LAPTM4B: variants seen among roughly 807,000 people sequenced by gnomAD.
LAPTM4B encodes lysosomal-associated transmembrane protein 4B.
In LAPTM4B, 26 loss-of-function variants were observed where a neutral mutation model predicts 28.5. That is an observed-to-expected ratio of 0.91 (90% confidence interval 0.67 to 1.27). LAPTM4B has a LOEUF of 1.27. Among genes scored for constraint, LAPTM4B ranks in the 50% most tolerant of loss-of-function variants. The pLI, the probability that LAPTM4B is intolerant of heterozygous loss-of-function variation, is 0.00. For missense variants in LAPTM4B, 288 were observed against 285.8 expected, an observed-to-expected ratio of 1.01 and a Z score of -0.06; for synonymous variants, 109 against 106.4, an observed-to-expected ratio of 1.02 and a Z score of -0.15.
At position 97,787,287 on chromosome 8, in the gene LAPTM4B, C is replaced by CTTTT. The variant is rs777122592; in HGVS notation, c.99+11192_99+11195dup. Among the ~76,000 whole-genome samples the CTTTT allele has an allele frequency of 6.9e-5, 9 of 129,564 alleles. 2 individuals carry two copies. The highest frequency in any genetic ancestry group is 2.8e-4 in the South Asian group (1 of 3,524). 85.0% of individuals were successfully genotyped at this position (129,564 alleles called of 152,430 possible). Reference sequence around the variant, plus strand: ...GAGGGAGGCTAGGAGATGTTTCTTTCTTTTTTTTTTTTTTTTGAGACTGAG... The same window carrying CTTTT: ...GAGGGAGGCTAGGAGATGTTTCTTTCTTTTTTTTTTTTTTTTTTTTGAGACTGAG... On this transcript the variant is annotated intron_variant, in intron 1 of 6. Coordinates refer to ENST00000521545, the MANE Select transcript of LAPTM4B (RefSeq NM_018407.6).
At chr8:97,794,831 A>G (rs1816557047) in intron 1 of LAPTM4B, among the ~76,000 whole-genome samples, 1 of 152,136 alleles carries the variant, frequency 6.6e-6, no homozygotes, top group Non-Finnish European at 1.5e-5. Flanking sequence ...CTCCTGCCTC[A>G]GCCTCCTGAG....
intron 4 of LAPTM4B, among the ~76,000 whole-genome samples, chr8:97,817,921 C>T (rs988943495): frequency 2.0e-5 from 3 of 151,860 alleles, no homozygotes; most frequent in Non-Finnish European, 4.4e-5. Context: ...TCAAGTGATC[C>T]TTCCACCTTA....
chr8:97,811,230 C>A (rs184442772), intron 2 of LAPTM4B, among the ~76,000 whole-genome samples: 6 of 152,274 alleles, frequency 3.9e-5, no homozygotes, highest in East Asian at 3.9e-4. Context: ...GCCCTGCATT[C>A]CACTCCTTGA....
chr8:97,816,227 G>T, intron 4 of LAPTM4B, 47 bp downstream of exon 4: 1 of 1,570,014 alleles, frequency 6.4e-7, no homozygotes, highest in South Asian at 1.2e-5. Flanking sequence ...TTTTCATTAG[G>T]GAAGCTGGTT....
Position 97,848,744 on chromosome 8 carries a change from G to A in LAPTM4B, c.604-2653G>A, listed in dbSNP as rs141608445. Reference sequence around the variant, plus strand: ...AATCAGTTAATTGTTTAATGCAGTGGTGGGGCATTGTGGTGAAGCTCAGTC... The same window carrying A: ...AATCAGTTAATTGTTTAATGCAGTGATGGGGCATTGTGGTGAAGCTCAGTC... On this transcript the variant is annotated intron_variant, in intron 6 of 6. Coordinates refer to ENST00000521545, the MANE Select transcript of LAPTM4B (RefSeq NM_018407.6). 1.1e-3 allele frequency among the ~76,000 whole-genome samples: 174 copies of A among 152,306 alleles called. 1 individual carries two copies. Among genetic ancestry groups the A allele is most frequent in the African/African-American group, 3.8e-3 (160 of 41,568 alleles).
chr8:97,793,252 A>C (rs1408653910), intron 1 of LAPTM4B, among the ~76,000 whole-genome samples: 1 of 152,208 alleles, frequency 6.6e-6, no homozygotes, highest in East Asian at 1.9e-4. Context: ...TGAATGTTAT[A>C]GCGTTTATTC....
chr8:97,788,620 G>A (rs1298384983), intron 1 of LAPTM4B, among the ~76,000 whole-genome samples: 2 of 151,990 alleles, frequency 1.3e-5, no homozygotes, highest in African/African-American at 2.4e-5. Context: ...CTGCTGTCTA[G>A]GATCATTATT....
intron 6 of LAPTM4B, among the ~76,000 whole-genome samples, chr8:97,829,972 G>A (rs1239026443): frequency 1.3e-5 from 2 of 152,140 alleles, no homozygotes; most frequent in Non-Finnish European, 2.9e-5. Flanking sequence ...TGGGATTACA[G>A]GCATGAGCCA....
At chr8:97,783,072 C>CTTT (rs10605324) in intron 1 of LAPTM4B, among the ~76,000 whole-genome samples, 1,623 of 127,700 alleles carry the variant, frequency 0.013, 44 homozygotes, top group African/African-American at 0.041. Context: ...CGCGCCCGGC[C>CTTT]TTTTTTTTTT....
At chr8:97,848,535 A>G (rs1035321606) in intron 6 of LAPTM4B, among the ~76,000 whole-genome samples, 2 of 152,064 alleles carry the variant, frequency 1.3e-5, no homozygotes, top group African/African-American at 4.8e-5. Context: ...AAGTAGCTCT[A>G]CAGGTCGGCC....
chr8:97,847,564 A>G (rs921571486), intron 6 of LAPTM4B, among the ~76,000 whole-genome samples: 4 of 152,230 alleles, frequency 2.6e-5, no homozygotes. Context: ...GGCACATCCC[A>G]TGTTCATTGA....
intron 6 of LAPTM4B, among the ~76,000 whole-genome samples, chr8:97,829,777 A>G (rs2513962): frequency 0.47 from 70,816 of 150,626 alleles, 16,819 homozygotes; most frequent in East Asian, 0.57. Context: ...TGCTGCCTCT[A>G]CCTCCCAGGT....
At chr8:97,829,666 A>G (rs1186803750) in intron 6 of LAPTM4B, among the ~76,000 whole-genome samples, 1 of 149,994 alleles carries the variant, frequency 6.7e-6, no homozygotes, top group Non-Finnish European at 1.5e-5. Context: ...ATATTGGGGG[A>G]GTTTTTGCTG....
At chr8:97,793,571 C>T (rs1416207330) in intron 1 of LAPTM4B, among the ~76,000 whole-genome samples, 1 of 152,168 alleles carries the variant, frequency 6.6e-6, no homozygotes. Flanking sequence ...ATGTCAACAT[C>T]ATCCATAGGA....
intron 1 of LAPTM4B, among the ~76,000 whole-genome samples, chr8:97,777,140 T>G (rs1816232408): frequency 8.8e-6 from 1 of 113,972 alleles, no homozygotes; most frequent in East Asian, 2.4e-4. Flanking sequence ...CAGTGAGGTT[T>G]TTTTTTTTTT....
chr8:97,845,029 A>G (rs1214643115), intron 6 of LAPTM4B, among the ~76,000 whole-genome samples: 5 of 152,122 alleles, frequency 3.3e-5, no homozygotes, highest in Admixed American at 6.6e-5. Flanking sequence ...AGCAGAAAGC[A>G]CCCTCAACTC....
chr8:97,787,291 T>TTC (rs1816418832), intron 1 of LAPTM4B, among the ~76,000 whole-genome samples: 1 of 150,254 alleles, frequency 6.7e-6, no homozygotes, highest in Admixed American at 6.6e-5. Flanking sequence ...TTCTTTCTTT[T>TTC]TTTTTTTTTT....
intron 6 of LAPTM4B, among the ~76,000 whole-genome samples, chr8:97,831,161 A>G (rs76658162): frequency 0.028 from 4,285 of 152,244 alleles, 200 homozygotes; most frequent in African/African-American, 0.098. Flanking sequence ...TCCACTGAAT[A>G]CTGAGGGCTT....
chr8:97,852,901 T>G lies in LAPTM4B; in HGVS notation c.*1427T>G. The G allele has an allele frequency of 2.4e-6, 1 of 415,140 alleles. No homozygotes were observed. Among genetic ancestry groups the G allele is most frequent in the Admixed American group, 4.3e-5 (1 of 23,476 alleles). 25.7% of individuals were successfully genotyped at this position (415,140 alleles called of 1,614,324 possible). On this transcript the variant is annotated 3_prime_UTR_variant, in exon 7 of 7. Coordinates refer to ENST00000521545, the MANE Select transcript of LAPTM4B (RefSeq NM_018407.6). ...ACTATGAAATAACAATTTCTAGAAA[T>G]GAAGAACAATCCGTGGAGAATAAAT... is the stretch of plus-strand genomic sequence containing the variant.
Sources: allele counts gnomAD v4.1 joint callset (sites outside exome capture counted in the v4.1 genomes callset), GRCh38; gene constraint gnomAD v4.1.1; transcripts MANE v1.5; gene names NCBI Gene and HGNC (gene_info 2026-07-23, HGNC 2026-07-21).